The following KLF12 variants were observed in gnomAD, a reference collection of about 807,000 sequenced individuals.
KLF12 encodes KLF transcription factor 12.
A neutral mutation model predicts 37.8 loss-of-function variants in KLF12; 9 were observed. The observed-to-expected ratio is 0.24, with a 90% CI of 0.14 to 0.42. KLF12 has a LOEUF of 0.42. Ranked by LOEUF, KLF12 falls within the 10% of genes least tolerant of loss-of-function variation. The pLI is 1.00. For missense variants in KLF12, 411 were observed against 516.0 expected (o/e 0.80, Z 1.97); for synonymous variants, 208 against 202.1 (o/e 1.03, Z -0.25).
chr13:73,778,574 AG>A (rs1215975785), intron 5 of KLF12, among the ~76,000 whole-genome samples: 1 of 152,080 alleles, frequency 6.6e-6, no homozygotes, highest in Admixed American at 6.6e-5. Context: ...TGTGTTGCCT[AG>A]GCTAGTCTCG....
chr13:74,169,205 ATAT>A, the KLF12 span, among the ~76,000 whole-genome samples: 7 of 152,194 alleles, frequency 4.6e-5, no homozygotes, highest in African/African-American at 1.4e-4. Flanking sequence ...ACTTTCAATG[ATAT>A]TATAATATTT....
intron 7 of KLF12, among the ~76,000 whole-genome samples, chr13:73,708,354 T>C (rs1875106623): frequency 6.6e-6 from 1 of 152,198 alleles, no homozygotes; most frequent in Admixed American, 6.5e-5. Flanking sequence ...CCAGATTCAT[T>C]TGAACAGACT....
chr13:74,100,068 G>A (rs781714754), intron 1 of KLF12, among the ~76,000 whole-genome samples: 25 of 152,138 alleles, frequency 1.6e-4, no homozygotes, highest in Admixed American at 6.5e-5. Context: ...GCAGCATGGA[G>A]GCACGCTGGC....
At chr13:74,070,887 C>A (rs1254852839) in intron 1 of KLF12, among the ~76,000 whole-genome samples, 1 of 152,084 alleles carries the variant, frequency 6.6e-6, no homozygotes, top group East Asian at 1.9e-4. Context: ...TTTGTGGGAA[C>A]ATGGATGGCA....
chr13:73,966,267 C>T (rs1330244818), intron 2 of KLF12, among the ~76,000 whole-genome samples: 30 of 152,120 alleles, frequency 2.0e-4, no homozygotes, highest in Admixed American at 2.0e-3. Flanking sequence ...TTATATGAAG[C>T]TACCTCATTA....
At chr13:73,911,707 C>G (rs1055957859) in intron 3 of KLF12, among the ~76,000 whole-genome samples, 38 of 152,150 alleles carry the variant, frequency 2.5e-4, no homozygotes, top group Non-Finnish European at 2.9e-4. Context: ...GTAATAAACA[C>G]TATGTCAGAA....
rs570469942 is a variant in KLF12, at chr13:73,895,246, C to T, written c.123+48735G>A. ...GGTGGCTGAGGTTATTGTCTAACTTCTGAGTGACAGAAGATTTGTATAGAT... is the reference window on the plus strand; with the variant it reads ...GGTGGCTGAGGTTATTGTCTAACTTTTGAGTGACAGAAGATTTGTATAGAT... On this transcript the variant is annotated intron_variant, in intron 3 of 7. Coordinates refer to ENST00000377669, the MANE Select transcript of KLF12 (RefSeq NM_007249.5). Among the ~76,000 whole-genome samples, 9 of 152,306 alleles carry T rather than the reference C, an allele frequency of 5.9e-5. No individual in the cohort carries two copies. In the South Asian group the frequency reaches 1.9e-3, roughly 32 times the overall value.
the KLF12 span, among the ~76,000 whole-genome samples, chr13:74,206,850 A>G: frequency 3.0e-4 from 46 of 152,198 alleles, no homozygotes; most frequent in African/African-American, 1.1e-3. Flanking sequence ...AGTCTTCAAG[A>G]GTTTCTAAAC....
intron 1 of KLF12, among the ~76,000 whole-genome samples, chr13:74,090,869 T>C (rs1219289619): frequency 7.0e-6 from 1 of 142,030 alleles, no homozygotes; most frequent in African/African-American, 2.7e-5. Flanking sequence ...TTAAAAAACA[T>C]AAAAATAAAA....
chr13:74,223,185 T>C, the KLF12 span, among the ~76,000 whole-genome samples: 32 of 152,350 alleles, frequency 2.1e-4, no homozygotes, highest in Admixed American at 1.8e-3. Context: ...GGGTAACTTA[T>C]TTTATGAGTA....
chr13:73,938,058 C>T (rs572745937), intron 3 of KLF12, among the ~76,000 whole-genome samples: 1 of 152,154 alleles, frequency 6.6e-6, no homozygotes, highest in Non-Finnish European at 1.5e-5. Context: ...GATAAGCAAA[C>T]TCGTATTTCC....
At chr13:73,985,192 A>G (rs1291141896) in intron 2 of KLF12, among the ~76,000 whole-genome samples, 1 of 152,214 alleles carries the variant, frequency 6.6e-6, no homozygotes, top group Non-Finnish European at 1.5e-5. Flanking sequence ...CTCAGCAGCC[A>G]CTGAGCAGAG....
intron 2 of KLF12, among the ~76,000 whole-genome samples, chr13:73,964,646 G>C (rs1176728324): frequency 6.7e-6 from 1 of 149,584 alleles, no homozygotes; most frequent in African/African-American, 2.5e-5. Context: ...TCTAGTTTTA[G>C]TGTATACCCG....
chr13:73,837,057 T>C (rs944233955), intron 4 of KLF12, among the ~76,000 whole-genome samples: 1 of 152,216 alleles, frequency 6.6e-6, no homozygotes, highest in Non-Finnish European at 1.5e-5. Context: ...GACTGTCCTG[T>C]TTATCTTCAC....
chr13:73,816,654 T>C (rs989979912), intron 4 of KLF12, among the ~76,000 whole-genome samples: 1 of 152,262 alleles, frequency 6.6e-6, no homozygotes, highest in Non-Finnish European at 1.5e-5. Flanking sequence ...CATGCCCTGA[T>C]GTGGCCACTT....
chr13:74,136,431 C>G (rs1204684609), upstream of KLF12, among the ~76,000 whole-genome samples: 2 of 152,162 alleles, frequency 1.3e-5, no homozygotes, highest in Non-Finnish European at 2.9e-5. Flanking sequence ...AAACTTGCCT[C>G]TACTAGAATC....
At chr13:74,305,015 TGGGTAG>T in the KLF12 span, among the ~76,000 whole-genome samples, 1 of 152,122 alleles carries the variant, frequency 6.6e-6, no homozygotes, top group Non-Finnish European at 1.5e-5. Flanking sequence ...GGTAACCATC[TGGGTAG>T]TTCAATCAGT....
At chr13:73,713,345 C>G (rs1258011869) in intron 7 of KLF12, among the ~76,000 whole-genome samples, 1 of 152,146 alleles carries the variant, frequency 6.6e-6, no homozygotes, top group Non-Finnish European at 1.5e-5. Context: ...CCACTCAGAG[C>G]ATTTAAGGAG....
chr13:73,795,810 GTTTACAA>G (rs1372946374), intron 5 of KLF12, among the ~76,000 whole-genome samples: 1 of 152,056 alleles, frequency 6.6e-6, no homozygotes, highest in Non-Finnish European at 1.5e-5. Flanking sequence ...TAAACTTTGG[GTTTACAA>G]TTTACAAGTA....
Sources: allele counts gnomAD v4.1 joint callset (sites outside exome capture counted in the v4.1 genomes callset), GRCh38; gene constraint gnomAD v4.1.1; transcripts MANE v1.5; gene names NCBI Gene and HGNC (gene_info 2026-07-23, HGNC 2026-07-21).